ANO4: variants seen among roughly 807,000 people sequenced by gnomAD.
The protein encoded by ANO4 is anoctamin 4.
ANO4 carries 69 observed loss-of-function variants against 141.9 expected under a neutral mutation model. That is an observed-to-expected ratio of 0.49 (90% CI 0.40 to 0.59). The LOEUF (loss-of-function observed/expected upper bound fraction) is 0.59, where lower values mean the gene tolerates loss of function less well. Among genes scored for constraint, ANO4 ranks in the 20% least tolerant of loss-of-function variants. ANO4 has a pLI of 0.00. For synonymous variants in ANO4, 350 were observed against 394.3 expected (o/e 0.89, Z 1.33); for missense variants, 894 against 1,162.2 (o/e 0.77, Z 3.36).
intron 1 of ANO4, among the ~76,000 whole-genome samples, chr12:100,886,566 C>T (rs1193915276): frequency 6.6e-6 from 1 of 152,152 alleles, no homozygotes; most frequent in Admixed American, 6.5e-5. Flanking sequence ...TGACAATACC[C>T]ACCACTCTCT....
chr12:100,835,588 G>C (rs2135788841), intron 1 of ANO4, among the ~76,000 whole-genome samples: 1 of 152,256 alleles, frequency 6.6e-6, no homozygotes, highest in African/African-American at 2.4e-5. Context: ...GCAACATCAA[G>C]GTAGTTGATT....
At chr12:101,016,217 C>T (rs931218541) in intron 8 of ANO4, among the ~76,000 whole-genome samples, 1 of 152,068 alleles carries the variant, frequency 6.6e-6, no homozygotes, top group African/African-American at 2.4e-5. Flanking sequence ...GTTATATAAA[C>T]CTGTACAGGA....
At chr12:100,814,564 T>C (rs1207227742) in intron 1 of ANO4, among the ~76,000 whole-genome samples, 4 of 152,200 alleles carry the variant, frequency 2.6e-5, no homozygotes, top group Non-Finnish European at 5.9e-5. Flanking sequence ...AGTCCTTATA[T>C]GTTTTTATTG....
At chr12:100,793,784 C>A (rs2034145956), upstream of ANO4, among the ~76,000 whole-genome samples, 1 of 152,078 alleles carries the variant, frequency 6.6e-6, no homozygotes. Context: ...TCATCACAAC[C>A]AAATACAAAT....
At chr12:100,727,095 G>A (rs540119504) in intron 1 of ANO4, among the ~76,000 whole-genome samples, 4 of 152,066 alleles carry the variant, frequency 2.6e-5, no homozygotes, top group African/African-American at 9.6e-5. Flanking sequence ...CTAAAGTATG[G>A]TCAAGTTTTA....
At chr12:100,942,037 G>A (rs1467236338) in intron 4 of ANO4, among the ~76,000 whole-genome samples, 1 of 151,046 alleles carries the variant, frequency 6.6e-6, no homozygotes, top group African/African-American at 2.4e-5. Context: ...CTGAAGTGCA[G>A]TGGCGCGATC....
At chr12:100,727,066 T>C (rs2031164431) in intron 1 of ANO4, among the ~76,000 whole-genome samples, 1 of 152,098 alleles carries the variant, frequency 6.6e-6, no homozygotes, top group Non-Finnish European at 1.5e-5. Flanking sequence ...TTTTTAATTG[T>C]TGAGATTTGC....
At chr12:101,049,135 G>A (rs1319744011) in intron 14 of ANO4, among the ~76,000 whole-genome samples, 3 of 152,268 alleles carry the variant, frequency 2.0e-5, no homozygotes, top group Middle Eastern at 3.4e-3. Flanking sequence ...AGTGAACAAC[G>A]AGGAGAGACA....
At chr12:100,998,787 C>T (rs1689821238) in intron 8 of ANO4, among the ~76,000 whole-genome samples, 1 of 151,612 alleles carries the variant, frequency 6.6e-6, no homozygotes, top group South Asian at 2.2e-4. Context: ...TCAGTCATTC[C>T]AGGAGGCCCC....
chr12:100,938,009 A>G (rs1274453401), intron 3 of ANO4, among the ~76,000 whole-genome samples: 1 of 152,206 alleles, frequency 6.6e-6, no homozygotes, highest in East Asian at 1.9e-4. Context: ...AAAAGGTAAG[A>G]TATTAACACG....
At chr12:101,062,455 A>G (rs1272549981) in intron 14 of ANO4, among the ~76,000 whole-genome samples, 3 of 152,330 alleles carry the variant, frequency 2.0e-5, no homozygotes, top group Middle Eastern at 3.4e-3. Context: ...GCAGGCAGGA[A>G]CATTTACGTC....
At chr12:101,024,407 C>T (rs991040555) in intron 9 of ANO4, among the ~76,000 whole-genome samples, 21 of 152,080 alleles carry the variant, frequency 1.4e-4, no homozygotes, top group Non-Finnish European at 2.5e-4. Flanking sequence ...ATCAGCCTGA[C>T]CAACGTGGTA....
intron 22 of ANO4, among the ~76,000 whole-genome samples, chr12:101,103,419 G>A (rs187833082): frequency 6.6e-6 from 1 of 150,744 alleles, no homozygotes; most frequent in Non-Finnish European, 1.5e-5. Flanking sequence ...TATATCCCTA[G>A]GTTGCTGAGA....
chr12:101,098,187 C>G (rs2050058894), intron 21 of ANO4, among the ~76,000 whole-genome samples: 1 of 152,104 alleles, frequency 6.6e-6, no homozygotes, highest in Non-Finnish European at 1.5e-5. Flanking sequence ...TCTTTAGGCC[C>G]CTAAATATTG....
chr12:100,883,393 A>G (rs2039667281), intron 1 of ANO4, among the ~76,000 whole-genome samples: 1 of 152,258 alleles, frequency 6.6e-6, no homozygotes, highest in South Asian at 2.1e-4. Context: ...CATAGATGAT[A>G]GTAAACAAAT....
intron 2 of ANO4, among the ~76,000 whole-genome samples, chr12:100,737,441 A>G (rs2031665400): frequency 6.6e-6 from 1 of 152,170 alleles, no homozygotes; most frequent in Non-Finnish European, 1.5e-5. Flanking sequence ...CTGCGTCCCA[A>G]GACCCCATCC....
At chr12:101,056,715 C>T (rs1272154539) in intron 14 of ANO4, among the ~76,000 whole-genome samples, 1 of 151,774 alleles carries the variant, frequency 6.6e-6, no homozygotes, top group Non-Finnish European at 1.5e-5. Context: ...ATAGAAACCA[C>T]AGGTTTTCAT....
At chr12:101,082,593 G>A (rs1000993992) in intron 15 of ANO4, among the ~76,000 whole-genome samples, 1 of 152,214 alleles carries the variant, frequency 6.6e-6, no homozygotes, top group African/African-American at 2.4e-5. Context: ...GACAGAGCCT[G>A]CTCCTAATGT....
chr12:100,847,422 A>G (rs1053940429), intron 1 of ANO4, among the ~76,000 whole-genome samples: 10 of 151,414 alleles, frequency 6.6e-5, no homozygotes, highest in Non-Finnish European at 8.8e-5. Flanking sequence ...TTTTCATGTC[A>G]GAATTACTGT....
Sources: allele counts gnomAD v4.1 joint callset (sites outside exome capture counted in the v4.1 genomes callset), GRCh38; gene constraint gnomAD v4.1.1; transcripts MANE v1.5; gene names NCBI Gene and HGNC (gene_info 2026-07-23, HGNC 2026-07-21).